EPB41L4B: variants seen among roughly 807,000 people sequenced by gnomAD.
EPB41L4B encodes the protein band 4.1-like protein 4B.
Under a neutral mutation model 112.5 loss-of-function variants are expected in EPB41L4B, and 30 were observed. That is an observed-to-expected ratio of 0.27 (90% CI 0.20 to 0.36). The LOEUF (loss-of-function observed/expected upper bound fraction) is 0.36. EPB41L4B is among the 10% of genes least tolerant of loss of function. The probability of loss-of-function intolerance (pLI) is 1.00; values close to 1 mark genes in which losing one functional copy is unlikely to be tolerated. For missense variants in EPB41L4B, 1,024 were observed against 1,133.3 expected (o/e 0.90, Z 1.38); for synonymous variants, 408 against 439.7 (o/e 0.93, Z 0.90).
intron 18 of EPB41L4B, among the ~76,000 whole-genome samples, chr9:109,205,504 G>A (rs192937385): frequency 2.6e-4 from 40 of 152,268 alleles, no homozygotes; most frequent in African/African-American, 9.1e-4. Context: ...TGTCAGTTTT[G>A]TTTGTTCTGT....
At chr9:109,243,533 T>G (rs1348203521) in intron 15 of EPB41L4B, 85 bp downstream of exon 15, 2 of 1,324,558 alleles carry the variant, frequency 1.5e-6, no homozygotes, top group African/African-American at 2.9e-5. Flanking sequence ...GATGCAGACT[T>G]TCTACTCCTA....
chr9:109,182,805 AG>A lies in EPB41L4B; in HGVS notation c.2419-9del. 1 of 1,600,172 alleles carries A rather than the reference AG, an allele frequency of 6.2e-7. No homozygotes were observed. The highest frequency in any genetic ancestry group is 8.6e-7 in the Non-Finnish European group (1 of 1,167,476). On this transcript the variant is annotated splice_polypyrimidine_tract_variant and intron_variant, in intron 23 of 25. Coordinates refer to ENST00000374566, the MANE Select transcript of EPB41L4B (RefSeq NM_019114.5). ...AACCGGGAATGTTTTTATCTTCAAA[AG>A]AGAGAAAGACAAGGGGGTTACCTTC...
chr9:109,301,477 C>T (rs1836964135), intron 1 of EPB41L4B, among the ~76,000 whole-genome samples: 1 of 152,142 alleles, frequency 6.6e-6, no homozygotes. Context: ...TTCTCATCTC[C>T]CCAGAAAGTT....
At chr9:109,306,521 G>C (rs1237115354) in intron 1 of EPB41L4B, among the ~76,000 whole-genome samples, 1 of 152,216 alleles carries the variant, frequency 6.6e-6, no homozygotes, top group Non-Finnish European at 1.5e-5. Context: ...GCTGAGGCAG[G>C]AGGATAGCTT....
intron 7 of EPB41L4B, among the ~76,000 whole-genome samples, chr9:109,257,074 C>A (rs2119032053): frequency 6.6e-6 from 1 of 152,332 alleles, no homozygotes; most frequent in East Asian, 1.9e-4. Flanking sequence ...TGGCTTCCTG[C>A]AGGGAGGAGA....
intron 1 of EPB41L4B, among the ~76,000 whole-genome samples, chr9:109,314,958 C>A (rs1012517756): frequency 6.6e-6 from 1 of 152,140 alleles, no homozygotes; most frequent in African/African-American, 2.4e-5. Flanking sequence ...CAAACCTTCA[C>A]CCTCCCCAAC....
At chr9:109,197,775 G>A (rs553676335) in intron 20 of EPB41L4B, among the ~76,000 whole-genome samples, 16 of 148,350 alleles carry the variant, frequency 1.1e-4, no homozygotes, top group African/African-American at 3.0e-4. Context: ...AGCCGAGATT[G>A]TGCCACTGCA....
intron 22 of EPB41L4B, among the ~76,000 whole-genome samples, chr9:109,187,277 G>T (rs983010384): frequency 1.3e-5 from 2 of 152,076 alleles, no homozygotes; most frequent in Non-Finnish European, 2.9e-5. Context: ...CGTCTCCAAA[G>T]TGATCTATCT....
Position 109,178,785 on chromosome 9 carries a change from G to C in EPB41L4B, c.2488-2089C>G, listed in dbSNP as rs1476533809. On this transcript the variant is annotated intron_variant, in intron 24 of 25. Coordinates refer to ENST00000374566, the MANE Select transcript of EPB41L4B (RefSeq NM_019114.5). ...TCTTTCTGAAAAAAGAGGAAAATTT[G>C]CACTGATGGTGCAAAGGTGATAGTA... Among the ~76,000 whole-genome samples, 3 of 151,472 alleles carry C rather than the reference G, an allele frequency of 2.0e-5. No individual in the cohort carries two copies. In the East Asian group the frequency reaches 5.8e-4, roughly 29 times the overall value.
intron 2 of EPB41L4B, among the ~76,000 whole-genome samples, chr9:109,272,115 C>A (rs970451791): frequency 6.6e-6 from 1 of 152,108 alleles, no homozygotes; most frequent in Non-Finnish European, 1.5e-5. Flanking sequence ...GTCTGAGTGA[C>A]GAAACTCATA....
chr9:109,314,730 G>C (rs1287801228), intron 1 of EPB41L4B, among the ~76,000 whole-genome samples: 1 of 151,994 alleles, frequency 6.6e-6, no homozygotes, highest in East Asian at 1.9e-4. Context: ...CCTCATTCCA[G>C]GTCTGAGAGG....
chr9:109,253,371 C>G (rs763305934), intron 12 of EPB41L4B, 70 bp downstream of exon 12: 4 of 1,090,282 alleles, frequency 3.7e-6, no homozygotes, highest in Non-Finnish European at 4.2e-6. Flanking sequence ...GCTGCTTGAC[C>G]AAGCTCCTCG....
At chr9:109,192,958 T>C (rs750060479) in intron 21 of EPB41L4B, among the ~76,000 whole-genome samples, 2 of 152,142 alleles carry the variant, frequency 1.3e-5, no homozygotes, top group Non-Finnish European at 2.9e-5. Flanking sequence ...TTTGGTGGGA[T>C]GCCACTTGCA....
At chr9:109,277,537 G>A (rs920462513) in intron 2 of EPB41L4B, among the ~76,000 whole-genome samples, 3 of 152,146 alleles carry the variant, frequency 2.0e-5, no homozygotes, top group African/African-American at 7.2e-5. Flanking sequence ...GGAGCAGCTC[G>A]GGAGCTTGGA....
chr9:109,263,532 C>G (rs558852603), intron 5 of EPB41L4B, among the ~76,000 whole-genome samples: 1 of 152,278 alleles, frequency 6.6e-6, no homozygotes, highest in South Asian at 2.1e-4. Context: ...ACACAGACAC[C>G]ATATCGAACA....
intron 1 of EPB41L4B, among the ~76,000 whole-genome samples, chr9:109,298,469 A>G (rs888154870): frequency 5.9e-5 from 9 of 152,010 alleles, no homozygotes; most frequent in Admixed American, 5.2e-4. Context: ...GCCTGCCACC[A>G]CACCCAGCTA....
At chr9:109,317,760 T>A (rs1356160169) in intron 1 of EPB41L4B, among the ~76,000 whole-genome samples, 1 of 152,084 alleles carries the variant, frequency 6.6e-6, no homozygotes, top group Non-Finnish European at 1.5e-5. Context: ...AATCCTATCT[T>A]GCGACAAGCA....
At chr9:109,176,357 G>A (rs373255324) in intron 25 of EPB41L4B, among the ~76,000 whole-genome samples, 194 bp downstream of exon 25, 10 of 152,240 alleles carry the variant, frequency 6.6e-5, no homozygotes, top group African/African-American at 2.2e-4. Context: ...GACTTCAAGG[G>A]ATCCTCCCTT....
intron 3 of EPB41L4B, 86 bp downstream of exon 3, chr9:109,268,305 A>G (rs1279782561): frequency 7.2e-6 from 9 of 1,241,906 alleles, no homozygotes; most frequent in Non-Finnish European, 1.0e-5. Flanking sequence ...CCAAGTTCTA[A>G]TGAAAACATA....
Sources: allele counts gnomAD v4.1 joint callset (sites outside exome capture counted in the v4.1 genomes callset), GRCh38; gene constraint gnomAD v4.1.1; transcripts MANE v1.5; gene names NCBI Gene and HGNC (gene_info 2026-07-23, HGNC 2026-07-21).